The following RBFOX1 variants were observed in gnomAD, a reference collection of about 807,000 sequenced individuals.
RBFOX1 encodes the protein RNA binding fox-1 homolog 1, also known as RNA binding protein fox-1 homolog 1.
RBFOX1 carries 8 observed loss-of-function variants against 57.7 expected under a neutral mutation model. The ratio of observed to expected loss-of-function variants is 0.14; its 90% CI spans 0.08 to 0.25. RBFOX1 has a LOEUF of 0.25. Ranked by LOEUF, RBFOX1 falls within the 10% of genes least tolerant of loss-of-function variation. The pLI is 1.00. For synonymous variants in RBFOX1, 326 were observed against 222.4 expected (o/e 1.47, Z -4.15); for missense variants, 611 against 548.5 (o/e 1.11, Z -1.14).
At chr16:5,500,953 C>T (rs764561955) in intron 2 of RBFOX1, among the ~76,000 whole-genome samples, 2 of 152,174 alleles carry the variant, frequency 1.3e-5, no homozygotes, top group Non-Finnish European at 2.9e-5. Context: ...CCAGTGGTGC[C>T]TCTTCATGGG....
At chr16:6,887,606 C>G (rs987562927) in intron 3 of RBFOX1, among the ~76,000 whole-genome samples, 6 of 151,526 alleles carry the variant, frequency 4.0e-5, no homozygotes, top group African/African-American at 1.2e-4. Context: ...TAGAGGTCTT[C>G]AGGAAGTTAG....
chr16:7,585,889 T>G (rs1478491969), intron 6 of RBFOX1, among the ~76,000 whole-genome samples: 1 of 152,238 alleles, frequency 6.6e-6, no homozygotes, highest in South Asian at 2.1e-4. Flanking sequence ...TGTGTGGTCT[T>G]TTTGTTTGTT....
intron 2 of RBFOX1, among the ~76,000 whole-genome samples, chr16:6,527,790 G>A (rs895055236): frequency 2.0e-5 from 3 of 152,084 alleles, no homozygotes; most frequent in Non-Finnish European, 4.4e-5. Context: ...GCCACTCCGA[G>A]CTGCTGCCTC....
At chr16:7,657,885 A>G (rs1477907045) in intron 12 of RBFOX1, among the ~76,000 whole-genome samples, 1 of 152,230 alleles carries the variant, frequency 6.6e-6, no homozygotes, top group East Asian at 1.9e-4. Context: ...GAAGAGTTAG[A>G]AAGTAATGTC....
Position 5,669,472 on chromosome 16 carries a change from T to G in RBFOX1, c.318+70511T>G, listed in dbSNP as rs180927301. 9.4e-5 allele frequency among the ~76,000 whole-genome samples: 13 copies of G among 137,576 alleles called. No homozygotes were observed. The South Asian group carries it at 1.6e-3, about 17-fold the overall frequency. The allele number at this position is 137,576 out of a possible 152,430, so 90.3% of individuals were successfully genotyped here. A position where few individuals can be genotyped will look rare whatever the true frequency, so the allele number is the denominator to read the frequency against. On this transcript the variant is annotated intron_variant, in intron 3 of 19. Transcript: ENST00000641259. ...AGAGTCTCGTTCTGTTAGGCTGGAG[T>G]GCAGTGGCACTATCTTGGCTCACTG... is the stretch of plus-strand genomic sequence containing the variant.
chr16:7,239,569 A>T (rs9930139), intron 4 of RBFOX1, among the ~76,000 whole-genome samples: 1 of 152,004 alleles, frequency 6.6e-6, no homozygotes, highest in Non-Finnish European at 1.5e-5. Flanking sequence ...TCCTGTCAAG[A>T]CCATTTGCAT....
At chr16:5,730,041 C>T (rs1249764442) in intron 3 of RBFOX1, among the ~76,000 whole-genome samples, 1 of 152,292 alleles carries the variant, frequency 6.6e-6, no homozygotes, top group South Asian at 2.1e-4. Flanking sequence ...AGACTCAATT[C>T]CACTTTGAGT....
intron 7 of RBFOX1, among the ~76,000 whole-genome samples, chr16:7,591,702 G>A (rs2094450643): frequency 6.6e-6 from 1 of 152,110 alleles, no homozygotes; most frequent in Non-Finnish European, 1.5e-5. Context: ...CCTTCTTGCG[G>A]TCTTGATTTT....
In RBFOX1 at chr16:6,859,946, C is replaced by T. The variant is rs903751096; in HGVS notation, c.-15-192111C>T. On this transcript the variant is annotated intron_variant, in intron 3 of 15. Transcript: ENST00000550418. Reference sequence around the variant, plus strand: ...TAAGCAAATTAATGAATTGAGACAGCTGAATAGTAAGTGAGAAGAATTTGA... The same window carrying T: ...TAAGCAAATTAATGAATTGAGACAGTTGAATAGTAAGTGAGAAGAATTTGA... Among the ~76,000 whole-genome samples, 12 of 152,190 alleles carry T rather than the reference C, an allele frequency of 7.9e-5. 1 individual carries two copies. The East Asian group carries it at 2.3e-3, about 29-fold the overall frequency.
At chr16:7,224,180 G>C (rs907290979) in intron 4 of RBFOX1, among the ~76,000 whole-genome samples, 2 of 128,386 alleles carry the variant, frequency 1.6e-5, no homozygotes, top group African/African-American at 5.9e-5. Context: ...AACTCACTCA[G>C]CTCACTCAGT....
chr16:5,776,728 A>C (rs1484337773), intron 3 of RBFOX1, among the ~76,000 whole-genome samples: 1 of 152,204 alleles, frequency 6.6e-6, no homozygotes, highest in African/African-American at 2.4e-5. Flanking sequence ...GTCTGCCTCC[A>C]ACACCCACAG....
At chr16:7,097,049 C>T (rs1174715267) in intron 4 of RBFOX1, among the ~76,000 whole-genome samples, 1 of 151,908 alleles carries the variant, frequency 6.6e-6, no homozygotes, top group African/African-American at 2.4e-5. Flanking sequence ...CAACAGATGC[C>T]TCCTATACAA....
intron 4 of RBFOX1, among the ~76,000 whole-genome samples, chr16:7,262,566 G>T (rs932996779): frequency 3.3e-5 from 5 of 152,266 alleles, no homozygotes; most frequent in African/African-American, 1.2e-4. Context: ...GGCACCCATT[G>T]CTCCTCATTC....
At chr16:6,430,797 A>G (rs1397612072) in intron 2 of RBFOX1, among the ~76,000 whole-genome samples, 1 of 152,058 alleles carries the variant, frequency 6.6e-6, no homozygotes, top group Non-Finnish European at 1.5e-5. Flanking sequence ...TGTGGATGAT[A>G]AGTCAGTGGA....
intron 3 of RBFOX1, among the ~76,000 whole-genome samples, chr16:6,672,007 A>C (rs2098768428): frequency 6.6e-6 from 1 of 152,228 alleles, no homozygotes; most frequent in Non-Finnish European, 1.5e-5. Context: ...GTCATATGTT[A>C]ACTTATGCAC....
intron 3 of RBFOX1, among the ~76,000 whole-genome samples, chr16:7,021,172 C>T (rs992224029): frequency 6.6e-6 from 1 of 151,944 alleles, no homozygotes; most frequent in African/African-American, 2.4e-5. Flanking sequence ...CGAAGCATCA[C>T]AGGACAAGGG....
chr16:7,379,119 C>T (rs1304013233), intron 4 of RBFOX1, among the ~76,000 whole-genome samples: 1 of 152,090 alleles, frequency 6.6e-6, no homozygotes, highest in Non-Finnish European at 1.5e-5. Flanking sequence ...ATAATGGTAG[C>T]CAATGTCATC....
chr16:7,425,243 A>G (rs1310597912), intron 4 of RBFOX1, among the ~76,000 whole-genome samples: 2 of 152,170 alleles, frequency 1.3e-5, no homozygotes, highest in African/African-American at 4.8e-5. Context: ...CAGCATGCGG[A>G]TTTACAACAC....
chr16:7,043,452 C>T (rs1193357473), intron 3 of RBFOX1, among the ~76,000 whole-genome samples: 1 of 152,142 alleles, frequency 6.6e-6, no homozygotes, highest in Non-Finnish European at 1.5e-5. Flanking sequence ...TGAAATGCAT[C>T]AAGGAAAACG....
Sources: gnomAD v4.1 joint callset for allele counts (sites outside exome capture counted in the v4.1 genomes callset) on GRCh38, gnomAD v4.1.1 for gene constraint, MANE v1.5 for transcripts, NCBI Gene and HGNC (gene_info 2026-07-23, HGNC 2026-07-21) for gene names.